Variants in NELFA observed in about 807,000 individuals in gnomAD.
The protein encoded by NELFA is negative elongation factor A.
Under a neutral mutation model 51.8 loss-of-function variants are expected in NELFA, and 35 were observed. The ratio of observed to expected loss-of-function variants is 0.68; its 90% CI spans 0.52 to 0.90. The LOEUF (loss-of-function observed/expected upper bound fraction) is 0.90. Among genes scored for constraint, NELFA ranks in the 40% least tolerant of loss-of-function variants. The pLI, the probability that NELFA is intolerant of heterozygous loss-of-function variation, is 0.00. For synonymous variants in NELFA, 417 were observed against 338.4 expected, an observed-to-expected ratio of 1.23 and a Z score of -2.55; for missense variants, 658 against 746.4, an observed-to-expected ratio of 0.88 and a Z score of 1.38.
At chr4:2,008,041 C>T (rs1162663637) in intron 1 of NELFA, 1 of 456,894 alleles carries the variant, frequency 2.2e-6, no homozygotes, top group South Asian at 1.5e-5. Context: ...TCCGGACGGC[C>T]GGGGTCTTTG....
intron 1 of NELFA, among the ~76,000 whole-genome samples, chr4:2,006,510 T>C (rs962514443): frequency 2.0e-5 from 3 of 152,252 alleles, no homozygotes; most frequent in East Asian, 1.9e-4. Flanking sequence ...AGATCACACC[T>C]GTAATCCCAA....
rs1319854701 is a variant in NELFA at position 1,988,948 on chromosome 4, T to TTG, written c.544+759_544+760insCA. On this transcript the variant is annotated intron_variant, in intron 3 of 10. Coordinates refer to ENST00000382882, the MANE Select transcript of NELFA (RefSeq NM_005663.5). ...ACCTAAAATTCTGAAGTTGGTGGGT[T>TTG]TTTTTTTTTTTTTTGAGATGTTGTT... 3.4e-3 allele frequency among the ~76,000 whole-genome samples: 500 copies of TTG among 148,432 alleles called. 2 individuals are homozygous for TTG. The highest frequency in any genetic ancestry group is 0.012 in the African/African-American group (491 of 40,816).
Position 1,989,867 on chromosome 4 carries a change from C to G in NELFA, c.385G>C (p.Gly129Arg). The G allele has an allele frequency of 6.2e-7, 1 of 1,613,040 alleles. No homozygotes were observed. Among genetic ancestry groups the G allele is most frequent in the Non-Finnish European group, 8.5e-7 (1 of 1,179,548 alleles). Residue 129 changes from glycine to arginine, a missense_variant and splice_region_variant, in exon 3 of 11, where the codon GGT (glycine) becomes CGT (arginine). Gly to Arg is a moderately radical substitution (Grantham distance 125). Around this residue, in one of 3 missense-constraint regions of NELFA, gnomAD observed 371 missense variants for 448.3 expected, o/e 0.83. Transcript: ENST00000382882. The surrounding 1 kb of genome is among the most constrained non-coding windows in gnomAD (Gnocchi z 4.8). Reference sequence around the variant, plus strand: ...AGCATGGCAGACGCTTCACACTCACCCACTGCCGGTAAGAACCACATGAAG... The same window carrying G: ...AGCATGGCAGACGCTTCACACTCACGCACTGCCGGTAAGAACCACATGAAG... ...DILGELREKVGECEASAMLPL... is the reference protein window; with the variant it reads ...DILGELREKVRECEASAMLPL...
intron 2 of NELFA, among the ~76,000 whole-genome samples, chr4:1,991,079 G>T (rs990827521): frequency 6.6e-6 from 1 of 152,252 alleles, no homozygotes; most frequent in Admixed American, 6.5e-5. Flanking sequence ...GGTTACAGGA[G>T]TGAGCCACGG....
At chr4:1,988,176 C>T (rs574578469) in intron 3 of NELFA, among the ~76,000 whole-genome samples, 169 bp from the exon 4 acceptor site, 1 of 152,316 alleles carries the variant, frequency 6.6e-6, no homozygotes, top group East Asian at 1.9e-4. Flanking sequence ...TCGCACTTTA[C>T]AACGAGTCAG....
At position 1,984,806 on chromosome 4, in the gene NELFA, A is replaced by C; in HGVS notation, c.1036+2T>G. 1 of 1,556,404 alleles carries C rather than the reference A, an allele frequency of 6.4e-7. No homozygotes were observed. Among genetic ancestry groups the C allele is most frequent in the Non-Finnish European group, 8.7e-7 (1 of 1,149,384 alleles). On this transcript the variant is annotated splice_donor_variant, in intron 8 of 10. Coordinates refer to ENST00000382882, the MANE Select transcript of NELFA (RefSeq NM_005663.5). LOFTEE classifies it high-confidence loss of function. ...GTTCCAGGCTGGGGCCAGCAGACTCACCTGGGGGCGTCTCGGAGCTGGGGA... is the reference window on the plus strand; with the variant it reads ...GTTCCAGGCTGGGGCCAGCAGACTCCCCTGGGGGCGTCTCGGAGCTGGGGA...
At chr4:1,987,643 G>T in intron 4 of NELFA, 1 of 446,970 alleles carries the variant, frequency 2.2e-6, no homozygotes, top group Non-Finnish European at 3.9e-6. Context: ...CATGCCCAGC[G>T]GTGTCCTCAG....
intron 1 of NELFA, among the ~76,000 whole-genome samples, chr4:1,994,449 C>T (rs1423164106): frequency 6.6e-6 from 1 of 151,928 alleles, no homozygotes; most frequent in African/African-American, 2.4e-5. Context: ...CCTGTAATCC[C>T]AGCTACTGGG....
At chr4:2,005,318 A>T (rs1728681534) in intron 1 of NELFA, among the ~76,000 whole-genome samples, 1 of 152,162 alleles carries the variant, frequency 6.6e-6, no homozygotes, top group Non-Finnish European at 1.5e-5. Context: ...CGAGAAAAAA[A>T]ACAAAAGGTA....
chr4:1,993,019 C>T lies in NELFA; in HGVS notation c.211-1304G>A, dbSNP rs78623085. ...GTGCGCGATGCGGCAGAAGATGCTA[C>T]GTGGCTGCAGGAAGCGCTGCGCACA... On this transcript the variant is annotated intron_variant, in intron 1 of 10. Transcript: ENST00000382882. Among the ~76,000 whole-genome samples, 13 of 152,360 alleles carry T rather than the reference C, an allele frequency of 8.5e-5. No individual in the cohort carries two copies. In the East Asian group the frequency reaches 1.9e-3, roughly 23 times the overall value.
chr4:1,997,265 A>G (rs1728450823), intron 1 of NELFA, among the ~76,000 whole-genome samples: 1 of 152,254 alleles, frequency 6.6e-6, no homozygotes. Flanking sequence ...TTTCCAAAGA[A>G]AAAGAAAAGA....
At chr4:2,008,627 T>C (rs1485440122) in intron 1 of NELFA, 123 bp downstream of exon 1, 1 of 1,046,916 alleles carries the variant, frequency 9.6e-7, no homozygotes, top group African/African-American at 2.5e-5. Flanking sequence ...CCGGGGGGGT[T>C]AACAGTCTGA....
chr4:1,991,749 C>T, intron 1 of NELFA, 34 bp from the exon 2 acceptor site: 11 of 1,554,924 alleles, frequency 7.1e-6, no homozygotes, highest in Non-Finnish European at 9.5e-6. Flanking sequence ...GCCACCATGC[C>T]CCTGCCCACT....
chr4:1,987,270 C>T (rs1357544720), intron 4 of NELFA, among the ~76,000 whole-genome samples: 1 of 152,220 alleles, frequency 6.6e-6, no homozygotes, highest in South Asian at 2.1e-4. Context: ...TGTCTCAGCA[C>T]AGGACGACAC....
chr4:1,996,008 T>C lies in NELFA; in HGVS notation c.211-4293A>G, dbSNP rs149202423. On this transcript the variant is annotated intron_variant, in intron 1 of 10. Transcript: ENST00000382882. ...CTTTAAAACAAAAAACAGTTAAGAA[T>C]AGAATAGATTTGTACAACATGATTA... Among the ~76,000 whole-genome samples the C allele has an allele frequency of 4.3e-3, 653 of 151,926 alleles. 5 individuals carry two copies. The highest frequency in any genetic ancestry group is 0.02 in the Middle Eastern group (6 of 294).
In NELFA at chr4:1,985,773, T is replaced by A; in HGVS notation, c.924+3A>T. The A allele has an allele frequency of 6.2e-7, 1 of 1,612,708 alleles. No individual in the cohort carries two copies. ...AGACATGGGGTGCAGCCCCGAGCCC[T>A]ACCTGCGTGGACACCAGGCCGGCTG... On this transcript the variant is annotated splice_donor_region_variant and intron_variant, in intron 7 of 10. Coordinates refer to ENST00000382882, the MANE Select transcript of NELFA (RefSeq NM_005663.5).
At position 1,987,902 on chromosome 4, in the gene NELFA, A is replaced by C; in HGVS notation, c.634+16T>G. On this transcript the variant is annotated intron_variant, in intron 4 of 10. Transcript: ENST00000382882. ...CCCCAAAAGCAAGGCTCACGGCACC[A>C]GGGTGGGGGCCTTACTGGTGGTGTC... The C allele has an allele frequency of 1.9e-6, 3 of 1,592,118 alleles. No individual in the cohort carries two copies. The highest frequency in any genetic ancestry group is 2.6e-6 in the Non-Finnish European group (3 of 1,170,180).
intron 6 of NELFA, 72 bp from the exon 7 acceptor site, chr4:1,985,936 A>C (rs1728077510): frequency 1.4e-6 from 2 of 1,418,756 alleles, no homozygotes; most frequent in African/African-American, 2.9e-5. Flanking sequence ...AGCGGCAGGG[A>C]ATCAAACAGC....
At chr4:2,008,648 G>T in intron 1 of NELFA, 102 bp downstream of exon 1, 1 of 1,378,578 alleles carries the variant, frequency 7.3e-7, no homozygotes, top group Non-Finnish European at 9.8e-7. Flanking sequence ...AGGGGGATGG[G>T]AAGGTTGGGG....
Sources: gnomAD v4.1 joint callset for allele counts (sites outside exome capture counted in the v4.1 genomes callset) on GRCh38, gnomAD v4.1.1 for gene constraint, gnomAD v4.1.1 regional missense constraint, Gnocchi (gnomAD v3.1) non-coding constraint, MANE v1.5 for transcripts, NCBI Gene and HGNC (gene_info 2026-07-23, HGNC 2026-07-21) for gene names.